The following ZNF512 variants were observed in gnomAD, a reference collection of about 807,000 sequenced individuals.
ZNF512 encodes the protein zinc finger protein 512.
A neutral mutation model predicts 77.5 loss-of-function variants in ZNF512; 25 were observed. That is an observed-to-expected ratio of 0.32 (90% CI 0.23 to 0.45). The LOEUF is 0.45. Among genes scored for constraint, ZNF512 ranks in the 20% least tolerant of loss-of-function variants. The pLI is 1.00. For synonymous variants in ZNF512, 246 were observed against 239.9 expected (o/e 1.03, Z -0.24); for missense variants, 483 against 692.6 (o/e 0.70, Z 3.40).
intron 3 of ZNF512, among the ~76,000 whole-genome samples, chr2:27,598,810 G>A (rs1434028266): frequency 1.3e-5 from 2 of 151,572 alleles, no homozygotes; most frequent in Non-Finnish European, 2.9e-5. Flanking sequence ...TTTCCTCTTT[G>A]TAGTATTTGA....
chr2:27,615,841 T>C (rs1027061591), intron 11 of ZNF512, among the ~76,000 whole-genome samples: 1 of 152,200 alleles, frequency 6.6e-6, no homozygotes, highest in Admixed American at 6.5e-5. Context: ...AATATTTTTA[T>C]TTTCTAGAGT....
chr2:27,593,134 G>A (rs2148008807), intron 2 of ZNF512, among the ~76,000 whole-genome samples: 1 of 150,038 alleles, frequency 6.7e-6, no homozygotes, highest in Non-Finnish European at 1.5e-5. Flanking sequence ...GCTGAGGTAG[G>A]AAGATTGCTT....
chr2:27,617,283 A>T (rs576918021), intron 12 of ZNF512, 190 bp from the exon 13 acceptor site: 195 of 554,290 alleles, frequency 3.5e-4, no homozygotes, highest in Non-Finnish European at 5.5e-4. Flanking sequence ...GAATTGCACT[A>T]GGATGGATTT....
In ZNF512 at chr2:27,586,556, G is replaced by C. The variant is rs537164888; in HGVS notation, c.89+2840G>C. On this transcript the variant is annotated intron_variant, in intron 2 of 13. Coordinates refer to ENST00000355467, the MANE Select transcript of ZNF512 (RefSeq NM_032434.4). ...ATCAAGTGTTTCTAGCATTGTTTGGGATGGTAGGTTTTGGCCTTAGAGGCC... is the reference window on the plus strand; with the variant it reads ...ATCAAGTGTTTCTAGCATTGTTTGGCATGGTAGGTTTTGGCCTTAGAGGCC... Among the ~76,000 whole-genome samples the C allele has an allele frequency of 8.5e-5, 13 of 152,242 alleles. No homozygotes were observed. In the South Asian group the frequency reaches 2.7e-3, roughly 32 times the overall value.
At chr2:27,588,423 G>A (rs1451457282) in intron 2 of ZNF512, among the ~76,000 whole-genome samples, 1 of 151,978 alleles carries the variant, frequency 6.6e-6, no homozygotes, top group African/African-American at 2.4e-5. Flanking sequence ...TTTATATTTA[G>A]GTCTGTGACT....
Position 27,583,670 on chromosome 2 carries a change from A to G in ZNF512, c.43A>G (p.Thr15Ala). 1.2e-6 allele frequency: 2 copies of G among 1,614,206 alleles called. No individual in the cohort carries two copies. The highest frequency in any genetic ancestry group is 1.7e-6 in the Non-Finnish European group (2 of 1,180,038). Residue 15 changes from threonine (T) to alanine (A), a missense_variant, in exon 2 of 14, where the codon ACA becomes GCA. Thr to Ala is a moderately conservative substitution (Grantham distance 58, BLOSUM62 0). Transcript: ENST00000355467. The stretch of plus-strand genomic sequence containing the variant: ...TGTGATTTGCTAGACTTCGGGACCC[A>G]CAACCTTTAAGCAGCAGAGGAGCAC... ...LGAVPATSGPTTFKQQRSTRI... is the reference protein window; with the variant it reads ...LGAVPATSGPATFKQQRSTRI...
chr2:27,601,622 C>T (rs550603261), intron 7 of ZNF512, among the ~76,000 whole-genome samples, 180 bp downstream of exon 7: 13 of 150,784 alleles, frequency 8.6e-5, no homozygotes, highest in South Asian at 2.1e-4. Flanking sequence ...TACAGGCGTG[C>T]GCCACCACGC....
intron 9 of ZNF512, among the ~76,000 whole-genome samples, chr2:27,603,558 T>A (rs985076062): frequency 2.6e-5 from 3 of 114,072 alleles, no homozygotes; most frequent in Admixed American, 2.1e-4. Context: ...TTTTATATCT[T>A]ATATATTTTT....
intron 2 of ZNF512, among the ~76,000 whole-genome samples, 175 bp downstream of exon 2, chr2:27,583,891 A>T (rs931132678): frequency 3.3e-5 from 5 of 151,702 alleles, no homozygotes; most frequent in African/African-American, 1.2e-4. Context: ...CTGAATTTTA[A>T]ATTTTATTTG....
At chr2:27,592,825 A>T (rs555953655) in intron 2 of ZNF512, among the ~76,000 whole-genome samples, 3 of 151,626 alleles carry the variant, frequency 2.0e-5, no homozygotes, top group Admixed American at 6.6e-5. Flanking sequence ...AGCTGGGATT[A>T]TAGGCATGTG....
At chr2:27,619,481 TAAAATC>T (rs1264120085) in intron 13 of ZNF512, among the ~76,000 whole-genome samples, 1 of 152,194 alleles carries the variant, frequency 6.6e-6, no homozygotes. Flanking sequence ...CCTAAAAAGT[TAAAATC>T]AAAAGAATTG....
chr2:27,605,591 T>C (rs1052864392), intron 9 of ZNF512, among the ~76,000 whole-genome samples: 1 of 152,000 alleles, frequency 6.6e-6, no homozygotes, highest in African/African-American at 2.4e-5. Flanking sequence ...TCCTCCCACC[T>C]CAGCCTCCCA....
rs1553352045 is a variant in ZNF512, at chr2:27,603,590, A to ATATAT, written c.936+284_936+285insATATT. On this transcript the variant is annotated intron_variant, in intron 9 of 13. Transcript: ENST00000355467. ...TTTTATATAGTGTGTGTGTGTGTAT[A>ATATAT]TTTTTTTTTTTTTTTTTCTTCAAGA... Among the ~76,000 whole-genome samples, 295 of 85,650 alleles carry ATATAT rather than the reference A, an allele frequency of 3.4e-3. 7 individuals carry two copies. Among genetic ancestry groups the ATATAT allele is most frequent in the African/African-American group, 0.013 (272 of 20,892 alleles). 56.2% of individuals were successfully genotyped at this position (85,650 alleles called of 152,430 possible).
chr2:27,614,784 G>A (rs1672811764), intron 10 of ZNF512, among the ~76,000 whole-genome samples: 1 of 150,364 alleles, frequency 6.7e-6, no homozygotes, highest in South Asian at 2.1e-4. Flanking sequence ...CTGAGTACAC[G>A]AATGCGAATT....
intron 10 of ZNF512, among the ~76,000 whole-genome samples, chr2:27,612,962 T>C (rs1672728989): frequency 6.6e-6 from 1 of 152,182 alleles, no homozygotes; most frequent in South Asian, 2.1e-4. Flanking sequence ...TGGTTCTAAA[T>C]CAGACCTATT....
At chr2:27,588,929 C>T (rs1284991652) in intron 2 of ZNF512, among the ~76,000 whole-genome samples, 6 of 152,082 alleles carry the variant, frequency 3.9e-5, no homozygotes, top group South Asian at 2.1e-4. Context: ...AAGTCTGGAA[C>T]GTCTTTTGTT....
At chr2:27,595,388 G>A (rs760233074) in intron 2 of ZNF512, among the ~76,000 whole-genome samples, 1 of 150,374 alleles carries the variant, frequency 6.7e-6, no homozygotes, top group Non-Finnish European at 1.5e-5. Flanking sequence ...GCAGCGGCGC[G>A]ATCTCTGCTC....
chr2:27,586,237 T>TGTTGTTGTTGTTGGA (rs1473606641), intron 2 of ZNF512, among the ~76,000 whole-genome samples: 1 of 151,680 alleles, frequency 6.6e-6, no homozygotes, highest in Non-Finnish European at 1.5e-5. Context: ...TTGTTGTTGT[T>TGTTGTTGTTGTTGGA]GTTGTTGTTG....
chr2:27,598,063 T>C lies in ZNF512; in HGVS notation c.90-4T>C. The C allele has an allele frequency of 6.5e-7, 1 of 1,540,962 alleles. No homozygotes were observed. The highest frequency in any genetic ancestry group is 8.8e-7 in the Non-Finnish European group (1 of 1,130,604). On this transcript the variant is annotated splice_polypyrimidine_tract_variant and splice_region_variant and intron_variant, in intron 2 of 13. Transcript: ENST00000355467. ...TTGTGGTATATATTTTTATGTTGTATTAGTAGCAGGACCCAGTGCTCCATA... is the reference window on the plus strand; with the variant it reads ...TTGTGGTATATATTTTTATGTTGTACTAGTAGCAGGACCCAGTGCTCCATA...
Sources: gnomAD v4.1 joint callset for allele counts (sites outside exome capture counted in the v4.1 genomes callset) on GRCh38, gnomAD v4.1.1 for gene constraint, MANE v1.5 for transcripts, NCBI Gene and HGNC (gene_info 2026-07-23, HGNC 2026-07-21) for gene names.